STX1B: variants seen among roughly 807,000 people sequenced by gnomAD.
STX1B encodes syntaxin-1B.
STX1B carries 7 observed loss-of-function variants against 39.4 expected under a neutral mutation model. The observed-to-expected ratio is 0.18, with a 90% confidence interval of 0.10 to 0.33. STX1B has a LOEUF of 0.33. Among genes scored for constraint, STX1B ranks in the 10% least tolerant of loss-of-function variants. STX1B has a pLI of 1.00. For synonymous variants in STX1B, 136 were observed against 144.1 expected (o/e 0.94, Z 0.40); for missense variants, 198 against 383.2 (o/e 0.52, Z 4.04).
rs113816974 is a variant in STX1B at position 30,992,776 on chromosome 16, G to A, written c.*45C>T. On this transcript the variant is annotated 3_prime_UTR_variant, in exon 10 of 10. Coordinates refer to ENST00000215095, the MANE Select transcript of STX1B (RefSeq NM_052874.5). ...AAGGGGTGGTGGGGGTATTGCTCCC[G>A]ATGTGGTGGGGGAAGGGTCTGGGAG... 5.2e-4 allele frequency: 668 copies of A among 1,282,758 alleles called. 1 individual carries two copies. In the African/African-American group the frequency reaches 8.2e-3, roughly 16 times the overall value. 79.5% of individuals were successfully genotyped at this position (1,282,758 alleles called of 1,614,324 possible). A position where few individuals can be genotyped will look rare whatever the true frequency, so the allele number is the denominator to read the frequency against.
Position 31,001,052 on chromosome 16 carries a change from C to T in STX1B, c.205+42G>A. 1.2e-6 allele frequency: 2 copies of T among 1,613,120 alleles called. No homozygotes were observed. The highest frequency in any genetic ancestry group is 8.5e-7 in the Non-Finnish European group (1 of 1,179,094). ...AGATGTCTGGGTGGGAACCCCAGGC[C>T]CCTTCTCCTCCCACCCCACAGTCAC... is the stretch of plus-strand genomic sequence containing the variant. On this transcript the variant is annotated intron_variant, in intron 3 of 9. Transcript: ENST00000215095. This position sits in a 1 kb window ranked among gnomAD's most constrained non-coding sequence, Gnocchi z 5.5.
In STX1B at chr16:30,993,179, G is replaced by A. The variant is rs1453827661; in HGVS notation, c.737C>T (p.Ala246Val). The change falls in exon 9 of 10, where the codon GCT (alanine) becomes GTT (valine). Residue 246 changes from alanine (A) to valine (V), a missense_variant. Physicochemically the swap from Ala to Val is moderately conservative, Grantham distance 64. Coordinates refer to ENST00000215095, the MANE Select transcript of STX1B (RefSeq NM_052874.5). ...CACTGCTTTCTTGGTGTCAGACACA[G>A]CTCGCTCCACGTAGTCCACAGAATG... ...VEHSVDYVERAVSDTKKAVKY... is the reference protein window; with the variant it reads ...VEHSVDYVERVVSDTKKAVKY... The A allele has an allele frequency of 6.2e-7, 1 of 1,614,094 alleles. No individual in the cohort carries two copies. Among genetic ancestry groups the A allele is most frequent in the South Asian group, 1.1e-5 (1 of 91,090 alleles).
Position 30,997,468 on chromosome 16 carries a change from C to G in STX1B, c.354+34G>C, listed in dbSNP as rs780227169. ...GCCTGGGCTCCTCCCGAGCTGGGTC[C>G]CGACCCGACCCCCAATGGGCTGCCG... On this transcript the variant is annotated intron_variant, in intron 5 of 9. Transcript: ENST00000215095. 5.1e-6 allele frequency: 8 copies of G among 1,571,024 alleles called. No individual in the cohort carries two copies. The East Asian group carries it at 1.6e-4, about 32-fold the overall frequency.
chr16:30,994,287 G>A (rs556285059), intron 7 of STX1B, among the ~76,000 whole-genome samples: 50 of 24,666 alleles, frequency 2.0e-3, no homozygotes, highest in Middle Eastern at 0.022. Context: ...GCGAGACTCC[G>A]TCTCAAAAAA....
intron 1 of STX1B, among the ~76,000 whole-genome samples, chr16:31,005,957 G>A (rs1337371762): frequency 6.6e-6 from 1 of 152,102 alleles, no homozygotes; most frequent in Non-Finnish European, 1.5e-5. Context: ...GATGTGGAGC[G>A]ACGGCAAGGA....
intron 1 of STX1B, 106 bp downstream of exon 1, chr16:31,010,261 G>C (rs2056674306): frequency 1.1e-6 from 1 of 914,712 alleles, no homozygotes; most frequent in Non-Finnish European, 1.5e-6. Context: ...ACCAACCTCC[G>C]ATCTCATCCT....
chr16:31,006,792 G>A (rs61039746), intron 1 of STX1B, among the ~76,000 whole-genome samples: 1,682 of 152,242 alleles, frequency 0.011, 36 homozygotes, highest in African/African-American at 0.039. Flanking sequence ...TTGGACAGGG[G>A]TAAACTTGTG....
chr16:30,996,569 AG>A, intron 7 of STX1B, 113 bp downstream of exon 7: 2 of 952,896 alleles, frequency 2.1e-6, no homozygotes, highest in Non-Finnish European at 3.3e-6. Context: ...TTCCCGGCTC[AG>A]GCTTCCCGCT....
In STX1B at chr16:30,991,754, G is replaced by A. The variant is rs1488663339; in HGVS notation, c.*1067C>T. ...GTGGTGGCAGGCGCCTGTAGTCCCA[G>A]CTACTTGGGAGGCTGAGGCATGAGA... On this transcript the variant is annotated 3_prime_UTR_variant, in exon 10 of 10. Coordinates refer to ENST00000215095, the MANE Select transcript of STX1B (RefSeq NM_052874.5). 2 of 152,180 alleles carry A rather than the reference G, an allele frequency of 1.3e-5. No individual in the cohort carries two copies. The highest frequency in any genetic ancestry group is 4.8e-5 in the African/African-American group (2 of 41,392). 9.4% of individuals were successfully genotyped at this position (152,180 alleles called of 1,614,324 possible).
chr16:31,009,406 A>G lies in STX1B; in HGVS notation c.30+961T>C, dbSNP rs1420460462. 7.2e-5 allele frequency among the ~76,000 whole-genome samples: 11 copies of G among 152,184 alleles called. No homozygotes were observed. In the East Asian group the frequency reaches 1.9e-3, roughly 27 times the overall value. On this transcript the variant is annotated intron_variant, in intron 1 of 9. Coordinates refer to ENST00000215095, the MANE Select transcript of STX1B (RefSeq NM_052874.5). ...CCTGTAAAGGCTCAGTGCATTGGGC[A>G]GCTCAGCCGGGGCCGGTACCCTTAT... is the stretch of plus-strand genomic sequence containing the variant.
intron 1 of STX1B, among the ~76,000 whole-genome samples, chr16:31,002,542 CCT>C (rs1305526424): frequency 1.3e-5 from 2 of 152,198 alleles, no homozygotes; most frequent in East Asian, 1.9e-4. Context: ...CAGCTGCACC[CCT>C]GAGGACATTT....
intron 1 of STX1B, among the ~76,000 whole-genome samples, chr16:31,003,550 C>T (rs1479387599): frequency 6.6e-6 from 1 of 152,184 alleles, no homozygotes; most frequent in African/African-American, 2.4e-5. Flanking sequence ...GCGGCCTCTC[C>T]CTGGCCCGGG....
In STX1B at chr16:31,001,787, G is replaced by T. The variant is rs903481949; in HGVS notation, c.31-184C>A. Among the ~76,000 whole-genome samples the T allele has an allele frequency of 6.6e-6, 1 of 152,164 alleles. No homozygotes were observed. The highest frequency in any genetic ancestry group is 2.4e-5 in the African/African-American group (1 of 41,442). On this transcript the variant is annotated intron_variant, in intron 1 of 9. Transcript: ENST00000215095. The surrounding 1 kb of genome is among the most constrained non-coding windows in gnomAD (Gnocchi z 5.5). ...GCAAAGGCACCAAAAGTGTTTGTCA[G>T]CCCAAAGGATTCCTTAGAAGGAATT...
intron 1 of STX1B, among the ~76,000 whole-genome samples, chr16:31,008,348 A>G (rs189728356): frequency 2.9e-4 from 44 of 151,322 alleles, no homozygotes; most frequent in East Asian, 2.4e-3. Flanking sequence ...CACAGCCAAC[A>G]GGATTCCTTA....
rs576127046 is a variant in STX1B, at chr16:30,993,447, T to C, written c.575A>G (p.Asn192Ser). The C allele has an allele frequency of 6.2e-6, 10 of 1,614,028 alleles. No individual in the cohort carries two copies. The highest frequency in any genetic ancestry group is 4.0e-5 in the African/African-American group (3 of 75,032). The change falls in exon 8 of 10, where the codon AAT (asparagine) becomes AGT (serine). Residue 192 changes from asparagine (N) to serine (S), a missense_variant. Coordinates refer to ENST00000215095, the MANE Select transcript of STX1B (RefSeq NM_052874.5). ...CTCATTGTGCCTCGTCTCAATCTCA[T>C]TCAGCGCCTGCTTCGTCATCTGTGA... ...MDSQMTKQALNEIETRHNEII... is the reference protein window; with the variant it reads ...MDSQMTKQALSEIETRHNEII...
Position 31,001,145 on chromosome 16 carries a change from G to C in STX1B, c.154C>G (p.Gln52Glu). Residue 52 changes from glutamine (Q) to glutamate (E), a missense_variant, in exon 3 of 10, where the codon CAG (glutamine) becomes GAG (glutamate). By Grantham distance (29) the Gln-to-Glu change is conservative. Coordinates refer to ENST00000215095, the MANE Select transcript of STX1B (RefSeq NM_052874.5). The surrounding 1 kb of genome is among the most constrained non-coding windows in gnomAD (Gnocchi z 5.5). The stretch of plus-strand genomic sequence containing the variant: ...ATGGCGCTATGCTGTTTTTTCACCT[G>C]CTCCACATCCTCCGACAGTTTCTCA... The part of the protein sequence containing the change: ...CIEKLSEDVE[Q>E]VKKQHSAILA... 6.2e-7 allele frequency: 1 copy of C among 1,614,098 alleles called. No individual in the cohort carries two copies. Among genetic ancestry groups the C allele is most frequent in the Non-Finnish European group, 8.5e-7 (1 of 1,180,036 alleles).
chr16:30,997,355 G>T (rs1489425372), intron 5 of STX1B, 147 bp downstream of exon 5: 96 of 301,694 alleles, frequency 3.2e-4, no homozygotes, highest in Non-Finnish European at 5.0e-4. Flanking sequence ...CCAGGGCCCC[G>T]CCCGCTCTAG....
At chr16:31,000,361 C>T (rs1306605445) in intron 4 of STX1B, among the ~76,000 whole-genome samples, 1 of 142,200 alleles carries the variant, frequency 7.0e-6, no homozygotes, top group African/African-American at 2.6e-5. Context: ...GAGACAGGGT[C>T]TCTATCTGTA....
At chr16:30,997,932 G>A (rs956596989) in intron 4 of STX1B, among the ~76,000 whole-genome samples, 1 of 152,246 alleles carries the variant, frequency 6.6e-6, no homozygotes, top group African/African-American at 2.4e-5. Flanking sequence ...GCGTGAAGGG[G>A]CCATGTATGT....
Sources: allele counts gnomAD v4.1 joint callset (sites outside exome capture counted in the v4.1 genomes callset), GRCh38; gene constraint gnomAD v4.1.1; non-coding constraint Gnocchi (gnomAD v3.1); transcripts MANE v1.5; gene names NCBI Gene and HGNC (gene_info 2026-07-23, HGNC 2026-07-21).